The following NT5DC4 variants were observed in gnomAD, a reference collection of about 807,000 sequenced individuals.
NT5DC4 encodes the protein 5'-nucleotidase domain-containing protein 4.
In NT5DC4, 44 loss-of-function variants were observed where a neutral mutation model predicts 26.6. The observed-to-expected ratio is 1.65, with a 90% CI of 1.30 to 2.13. The LOEUF (loss-of-function observed/expected upper bound fraction) is 2.13. Among genes scored for constraint, NT5DC4 ranks in the 30% most tolerant of loss-of-function variants. The probability of loss-of-function intolerance (pLI) is 0.00; values close to 1 mark genes in which losing one functional copy is unlikely to be tolerated. For synonymous variants in NT5DC4, 157 were observed against 86.7 expected, an observed-to-expected ratio of 1.81 and a Z score of -4.51; for missense variants, 399 against 228.1, an observed-to-expected ratio of 1.75 and a Z score of -4.83.
At chr2:112,740,380 T>A (rs1027463824), downstream of NT5DC4, among the ~76,000 whole-genome samples, 2 of 152,226 alleles carry the variant, frequency 1.3e-5, no homozygotes, top group African/African-American at 4.8e-5. Flanking sequence ...CATAGCTCCT[T>A]AAATTACTAT....
rs372275085 is a variant in NT5DC4, at chr2:112,726,631, C to T, written c.1206-47C>T. On this transcript the variant is annotated intron_variant, in intron 14 of 16. Transcript: ENST00000688554. The stretch of plus-strand genomic sequence containing the variant: ...GGTCTAAGGAGACTGTCCTGGCACT[C>T]GGAGGCTCTGTGCCTCCCCTGGGTC... The T allele has an allele frequency of 4.3e-4, 307 of 717,416 alleles. 1 individual carries two copies. The highest frequency in any genetic ancestry group is 2.3e-3 in the Middle Eastern group (10 of 4,372). 44.4% of individuals were successfully genotyped at this position (717,416 alleles called of 1,614,324 possible). A position where few individuals can be genotyped will look rare whatever the true frequency, so the allele number is the denominator to read the frequency against.
chr2:112,741,201 C>G (rs928394203), downstream of NT5DC4, among the ~76,000 whole-genome samples: 2 of 152,112 alleles, frequency 1.3e-5, no homozygotes, highest in Admixed American at 6.5e-5. Flanking sequence ...CAGTGTCTTG[C>G]TACATCAGGC....
chr2:112,738,110 C>T (rs1452964704), intron 16 of NT5DC4: 1 of 152,216 alleles, frequency 6.6e-6, no homozygotes, highest in Non-Finnish European at 1.5e-5. Flanking sequence ...AAGCAAGTGT[C>T]CACTCCCCAC....
intron 14 of NT5DC4, among the ~76,000 whole-genome samples, 168 bp downstream of exon 14, chr2:112,726,457 C>T (rs1404363870): frequency 6.6e-6 from 1 of 152,148 alleles, no homozygotes; most frequent in Non-Finnish European, 1.5e-5. Flanking sequence ...CCCTCTCACC[C>T]CCTTGGGACT....
intron 15 of NT5DC4, among the ~76,000 whole-genome samples, chr2:112,729,352 G>T (rs1678178951): frequency 6.6e-6 from 1 of 152,216 alleles, no homozygotes; most frequent in Non-Finnish European, 1.5e-5. Flanking sequence ...GAACCCCTGG[G>T]CTCAAGTGAT....
chr2:112,725,124 G>A (rs1390889699), intron 11 of NT5DC4, 50 bp from the exon 12 acceptor site: 1 of 695,762 alleles, frequency 1.4e-6, no homozygotes, highest in Non-Finnish European at 2.7e-6. Context: ...CCTAGCTAGA[G>A]ACCAAAGATG....
chr2:112,734,181 G>GTGTGTT (rs1424080631), intron 16 of NT5DC4, among the ~76,000 whole-genome samples: 3 of 151,716 alleles, frequency 2.0e-5, no homozygotes, highest in Non-Finnish European at 4.4e-5. Context: ...GTGTGTGTGT[G>GTGTGTT]TGTGTGTGTG....
intron 16 of NT5DC4, among the ~76,000 whole-genome samples, chr2:112,730,406 C>T (rs1282706391): frequency 5.9e-5 from 9 of 151,724 alleles, no homozygotes; most frequent in Non-Finnish European, 1.0e-4. Context: ...TGCACCCCTA[C>T]GGACTGCTGT....
At chr2:112,736,662 T>C (rs1679219312) in intron 16 of NT5DC4, 1 of 152,210 alleles carries the variant, frequency 6.6e-6, no homozygotes, top group African/African-American at 2.4e-5. Context: ...CTTAAAAAAT[T>C]AAATATTCCA....
intron 14 of NT5DC4, 55 bp from the exon 15 acceptor site, chr2:112,726,623 C>A (rs1005103008): frequency 3.2e-5 from 23 of 717,278 alleles, no homozygotes; most frequent in Non-Finnish European, 5.2e-5. Flanking sequence ...GGAGACTGTC[C>A]TGGCACTCGG....
chr2:112,726,775 C>T (rs1224106775), intron 15 of NT5DC4, 37 bp downstream of exon 15: 11 of 717,146 alleles, frequency 1.5e-5, no homozygotes, highest in Admixed American at 8.0e-5. Context: ...ACAGGCCCAG[C>T]AGGGGCGGAG....
chr2:112,736,256 T>A (rs1234324483), intron 16 of NT5DC4, among the ~76,000 whole-genome samples: 1 of 152,186 alleles, frequency 6.6e-6, no homozygotes, highest in Non-Finnish European at 1.5e-5. Flanking sequence ...GAATATTTGA[T>A]GCCTCTACGT....
intron 16 of NT5DC4, chr2:112,738,605 G>A: frequency 1.8e-6 from 1 of 555,406 alleles, no homozygotes; most frequent in Non-Finnish European, 3.2e-6. Context: ...TGAAATTTAT[G>A]TATACTGTAA....
rs1443889192 is a variant in NT5DC4, at chr2:112,724,763, C to A, written c.790-18C>A. On this transcript the variant is annotated intron_variant, in intron 10 of 16. Transcript: ENST00000688554. ...TTTACCAGGCTGTGTGTGTGCAGCC[C>A]GTGTGCACCCCCAACAGGCTGAAGC... The A allele has an allele frequency of 1.5e-5, 11 of 716,480 alleles. No homozygotes were observed. In the Admixed American group the frequency reaches 2.2e-4, roughly 14 times the overall value. 44.4% of individuals were successfully genotyped at this position (716,480 alleles called of 1,614,324 possible).
At chr2:112,729,793 G>A (rs1018737671) in intron 16 of NT5DC4, 89 bp downstream of exon 16, 59 of 697,976 alleles carry the variant, frequency 8.5e-5, no homozygotes, top group African/African-American at 3.9e-4. Context: ...ACCCCAGGAC[G>A]CATGAGGCAA....
intron 13 of NT5DC4, among the ~76,000 whole-genome samples, chr2:112,725,865 A>T (rs573415765): frequency 4.3e-4 from 37 of 85,352 alleles, no homozygotes; most frequent in Non-Finnish European, 7.2e-4. Flanking sequence ...ACCCACCCCA[A>T]GGATGTTCAG....
intron 15 of NT5DC4, among the ~76,000 whole-genome samples, chr2:112,727,692 C>A (rs1677921255): frequency 6.6e-6 from 1 of 152,174 alleles, no homozygotes; most frequent in Non-Finnish European, 1.5e-5. Flanking sequence ...GTTTCAATGT[C>A]CCCCGGTGAG....
chr2:112,719,361 G>A (rs950146961), upstream of NT5DC4, among the ~76,000 whole-genome samples: 3 of 151,974 alleles, frequency 2.0e-5, no homozygotes, highest in African/African-American at 7.2e-5. Flanking sequence ...GCTCTTCCAT[G>A]GATATGTTTT....
At position 112,726,745 on chromosome 2, in the gene NT5DC4, G is replaced by A. The variant is rs1278065708; in HGVS notation, c.1266+7G>A. 4 of 717,508 alleles carry A rather than the reference G, an allele frequency of 5.6e-6. No homozygotes were observed. Among genetic ancestry groups the A allele is most frequent in the South Asian group, 3.0e-5 (2 of 67,598 alleles). 44.4% of individuals were successfully genotyped at this position (717,508 alleles called of 1,614,324 possible). A position where few individuals can be genotyped will look rare whatever the true frequency, so the allele number is the denominator to read the frequency against. ...CACCAAGAGAGAGATCCAGGTGGGA[G>A]CTGGGTGGCGAGGGAAGGGACAGGC... On this transcript the variant is annotated splice_region_variant and intron_variant, in intron 15 of 16. Transcript: ENST00000688554.
Sources: gnomAD v4.1 joint callset for allele counts (sites outside exome capture counted in the v4.1 genomes callset) on GRCh38, gnomAD v4.1.1 for gene constraint, MANE v1.5 for transcripts, NCBI Gene and HGNC (gene_info 2026-07-23, HGNC 2026-07-21) for gene names.